Variants in ZMAT4 observed in about 807,000 individuals in gnomAD.
ZMAT4 encodes zinc finger matrin-type protein 4.
Under a neutral mutation model 28.7 loss-of-function variants are expected in ZMAT4, and 17 were observed. The observed-to-expected ratio is 0.59, with a 90% CI of 0.41 to 0.89. The LOEUF (loss-of-function observed/expected upper bound fraction) is 0.89, where lower values mean the gene tolerates loss of function less well. Ranked by LOEUF, ZMAT4 falls within the 40% of genes least tolerant of loss-of-function variation. The pLI, the probability that ZMAT4 is intolerant of heterozygous loss-of-function variation, is 0.00. For synonymous variants in ZMAT4, 117 were observed against 109.2 expected, an observed-to-expected ratio of 1.07 and a Z score of -0.44; for missense variants, 240 against 283.8, an observed-to-expected ratio of 0.85 and a Z score of 1.11.
At chr8:40,624,267 TCTCA>T (rs1463994320) in intron 5 of ZMAT4, among the ~76,000 whole-genome samples, 1 of 152,170 alleles carries the variant, frequency 6.6e-6, no homozygotes, top group Middle Eastern at 3.2e-3. Flanking sequence ...GAGATTTCTC[TCTCA>T]CTCTCTCTGC....
chr8:40,722,551 C>T (rs1351782345), intron 3 of ZMAT4, among the ~76,000 whole-genome samples: 3 of 152,098 alleles, frequency 2.0e-5, no homozygotes, highest in Admixed American at 2.0e-4. Flanking sequence ...CTAAGTGTGT[C>T]CTTAAGTAAA....
intron 5 of ZMAT4, among the ~76,000 whole-genome samples, chr8:40,631,292 G>T (rs1442001529): frequency 6.6e-6 from 1 of 152,086 alleles, no homozygotes; most frequent in Admixed American, 6.6e-5. Context: ...CGAGTAGTTG[G>T]GACTACAGGT....
intron 1 of ZMAT4, among the ~76,000 whole-genome samples, chr8:40,857,978 G>C (rs1053022584): frequency 4.6e-5 from 7 of 152,204 alleles, no homozygotes. Flanking sequence ...CCCTATAGGA[G>C]AGAAATAAGA....
rs139470092 is a variant in ZMAT4, at chr8:40,635,737, A to G, written c.577+38967T>C. Among the ~76,000 whole-genome samples, 16 of 152,310 alleles carry G rather than the reference A, an allele frequency of 1.1e-4. No individual in the cohort carries two copies. The East Asian group carries it at 1.5e-3, about 15-fold the overall frequency. ...TCTGAAAAATTACTCTACATCCGCA[A>G]TGATCTTGTCTTTAACTTTGGTGTC... is the stretch of plus-strand genomic sequence containing the variant. On this transcript the variant is annotated intron_variant, in intron 5 of 6. Coordinates refer to ENST00000297737, the MANE Select transcript of ZMAT4 (RefSeq NM_024645.3).
At chr8:40,871,811 A>G (rs554530238) in intron 1 of ZMAT4, among the ~76,000 whole-genome samples, 7 of 152,162 alleles carry the variant, frequency 4.6e-5, no homozygotes, top group African/African-American at 7.2e-5. Flanking sequence ...TCATTCCCTC[A>G]TGCTCTTTTC....
chr8:40,813,492 A>G (rs1815410615), intron 2 of ZMAT4, among the ~76,000 whole-genome samples: 1 of 152,248 alleles, frequency 6.6e-6, no homozygotes, highest in African/African-American at 2.4e-5. Context: ...AATTCACTCC[A>G]GGGGTAGAAG....
At chr8:40,718,122 C>T (rs1810932286) in intron 3 of ZMAT4, among the ~76,000 whole-genome samples, 1 of 152,208 alleles carries the variant, frequency 6.6e-6, no homozygotes, top group African/African-American at 2.4e-5. Flanking sequence ...CTTCTTCCTG[C>T]CAACTTCTGG....
intron 1 of ZMAT4, among the ~76,000 whole-genome samples, chr8:40,842,823 T>C (rs1323858822): frequency 4.6e-5 from 7 of 152,334 alleles, no homozygotes; most frequent in Non-Finnish European, 1.5e-5. Context: ...TTGCCAAGGC[T>C]GGAGTGCAAT....
intron 5 of ZMAT4, among the ~76,000 whole-genome samples, chr8:40,645,972 T>G (rs1416936582): frequency 6.6e-6 from 1 of 152,048 alleles, no homozygotes; most frequent in Non-Finnish European, 1.5e-5. Flanking sequence ...TGTGAGTTAT[T>G]CACACCATAA....
chr8:40,545,787 C>A lies in ZMAT4; in HGVS notation c.675-13549G>T, dbSNP rs901136463. ...CGAGAGAATCCATTTCTGTTGTTTA[C>A]GTCACTCATTTTTGGTACTTTGTTA... On this transcript the variant is annotated intron_variant, in intron 6 of 6. Transcript: ENST00000297737. 6.6e-5 allele frequency among the ~76,000 whole-genome samples: 10 copies of A among 151,068 alleles called. No individual in the cohort carries two copies. The East Asian group carries it at 1.7e-3, about 26-fold the overall frequency.
At chr8:40,730,852 C>A (rs540767403) in intron 3 of ZMAT4, among the ~76,000 whole-genome samples, 1 of 152,134 alleles carries the variant, frequency 6.6e-6, no homozygotes, top group South Asian at 2.1e-4. Flanking sequence ...TGTTTTGGAA[C>A]TCTGGAGTCC....
chr8:40,795,105 T>A (rs1457188256), intron 2 of ZMAT4, among the ~76,000 whole-genome samples: 2 of 152,174 alleles, frequency 1.3e-5, no homozygotes, highest in Non-Finnish European at 2.9e-5. Context: ...GATCCTGGCA[T>A]TATGGTATAA....
rs1811659483 is a variant in ZMAT4, at chr8:40,734,179, C to A, written c.192+33462G>T. On this transcript the variant is annotated intron_variant, in intron 3 of 6. Coordinates refer to ENST00000297737, the MANE Select transcript of ZMAT4 (RefSeq NM_024645.3). ...TATTTCTCAATAGGCACACGTTTGG[C>A]ATTTTAGATGGGACTAGTCTTACTT... Among the ~76,000 whole-genome samples, 6 of 152,264 alleles carry A rather than the reference C, an allele frequency of 3.9e-5. No individual in the cohort carries two copies. The South Asian group carries it at 1.2e-3, about 32-fold the overall frequency.
chr8:40,825,805 C>A, intron 1 of ZMAT4, 125 bp from the exon 2 acceptor site: 1 of 675,080 alleles, frequency 1.5e-6, no homozygotes, highest in Non-Finnish European at 2.5e-6. Context: ...GGGTGGATCT[C>A]CCTACACTCT....
Position 40,852,404 on chromosome 8 carries a change from C to T in ZMAT4, c.-4-26724G>A, listed in dbSNP as rs190512950. 1.7e-3 allele frequency among the ~76,000 whole-genome samples: 254 copies of T among 152,126 alleles called. 2 individuals are homozygous for T. Among genetic ancestry groups the T allele is most frequent in the Non-Finnish European group, 1.1e-3 (72 of 67,996 alleles). ...ATGGTTTTTACATTTTTGCAAATCC[C>T]TTGTATGTCTGCCTTATTAAACGAT... On this transcript the variant is annotated intron_variant, in intron 1 of 6. Transcript: ENST00000297737.
At chr8:40,728,512 T>C (rs1166464082) in intron 3 of ZMAT4, among the ~76,000 whole-genome samples, 1 of 152,204 alleles carries the variant, frequency 6.6e-6, no homozygotes, top group Non-Finnish European at 1.5e-5. Flanking sequence ...TGTGTGCCAT[T>C]GTAGGATGCT....
chr8:40,672,099 A>G (rs1808697539), intron 5 of ZMAT4, among the ~76,000 whole-genome samples: 1 of 151,552 alleles, frequency 6.6e-6, no homozygotes, highest in East Asian at 1.9e-4. Flanking sequence ...AAGAAAATAC[A>G]AAAAAAAGTA....
intron 5 of ZMAT4, among the ~76,000 whole-genome samples, chr8:40,590,609 G>T (rs1022430433): frequency 3.9e-5 from 6 of 152,040 alleles, no homozygotes; most frequent in Admixed American, 6.6e-5. Flanking sequence ...GTCAAACTGA[G>T]GGCCAAGTCC....
At chr8:40,607,117 C>CTTTTTTTTTTT (rs71544299) in intron 5 of ZMAT4, among the ~76,000 whole-genome samples, 20 of 65,716 alleles carry the variant, frequency 3.0e-4, no homozygotes, top group African/African-American at 4.5e-4. Context: ...TATCTTGTAT[C>CTTTTTTTTTTT]TTTTTTTTTT....
Sources: gnomAD v4.1 joint callset for allele counts (sites outside exome capture counted in the v4.1 genomes callset) on GRCh38, gnomAD v4.1.1 for gene constraint, MANE v1.5 for transcripts, NCBI Gene and HGNC (gene_info 2026-07-23, HGNC 2026-07-21) for gene names.